The following CCT3 variants were observed in gnomAD, a reference collection of about 807,000 sequenced individuals.
The protein encoded by CCT3 is T-complex protein 1 subunit gamma.
CCT3 carries 10 observed loss-of-function variants against 65.3 expected under a neutral mutation model. That is an observed-to-expected ratio of 0.15 (90% CI 0.09 to 0.26). The LOEUF is 0.26. Ranked by LOEUF, CCT3 falls within the 10% of genes least tolerant of loss-of-function variation. CCT3 has a pLI of 1.00. For missense variants in CCT3, 626 were observed against 708.7 expected (o/e 0.88, Z 1.33); for synonymous variants, 225 against 242.3 (o/e 0.93, Z 0.66).
chr1:156,321,048 A>T, intron 6 of CCT3, 23 bp from the exon 7 acceptor site: 1 of 1,598,834 alleles, frequency 6.3e-7, no homozygotes, highest in Non-Finnish European at 8.6e-7. Context: ...AAACCAGACG[A>T]TATGTGAAGA....
chr1:156,322,418 G>A (rs113074390), intron 6 of CCT3, among the ~76,000 whole-genome samples: 3 of 151,834 alleles, frequency 2.0e-5, no homozygotes, highest in South Asian at 2.1e-4. Flanking sequence ...TGCTTGAACC[G>A]AAGAGGCGGA....
rs1312997834 is a variant in CCT3, at chr1:156,325,103, A to T, written c.305-14T>A. 6.4e-7 allele frequency: 1 copy of T among 1,551,294 alleles called. No individual in the cohort carries two copies. Among genetic ancestry groups the T allele is most frequent in the Admixed American group, 1.7e-5 (1 of 59,876 alleles). On this transcript the variant is annotated splice_polypyrimidine_tract_variant and intron_variant, in intron 5 of 13. Transcript: ENST00000295688. ...GCATTTCCCCTGCTGAAAAAGATAC[A>T]AGCACCATAGTAATATTTAAAGCAT...
In CCT3 at chr1:156,317,197, C is replaced by T. The variant is rs2101639271; in HGVS notation, c.943G>A (p.Val315Ile). 6.2e-7 allele frequency: 1 copy of T among 1,614,212 alleles called. No individual in the cohort carries two copies. The highest frequency in any genetic ancestry group is 8.5e-7 in the Non-Finnish European group (1 of 1,180,030). ...ATGCGATTATTGTCTGTCTTCCGGACTCTGCGGATGGCTGTGATATTGGCC... is the reference window on the plus strand; with the variant it reads ...ATGCGATTATTGTCTGTCTTCCGGATTCTGCGGATGGCTGTGATATTGGCC... ...MRANITAIRR[V>I]RKTDNNRIAR... Residue 315 changes from valine (V) to isoleucine (I), a missense_variant, in exon 10 of 14, where the codon GTC (valine) becomes ATC (isoleucine). Physicochemically the swap from Val to Ile is conservative, Grantham distance 29 (BLOSUM62 3). Coordinates refer to ENST00000295688, the MANE Select transcript of CCT3 (RefSeq NM_005998.5).
At chr1:156,312,694 C>A (rs540640591) in intron 10 of CCT3, among the ~76,000 whole-genome samples, 28 of 151,508 alleles carry the variant, frequency 1.8e-4, no homozygotes, top group African/African-American at 5.3e-4. Context: ...AAAACAACAA[C>A]AAAAAAAACT....
chr1:156,323,133 C>T (rs1664636960), intron 6 of CCT3, among the ~76,000 whole-genome samples: 1 of 151,588 alleles, frequency 6.6e-6, no homozygotes, highest in Non-Finnish European at 1.5e-5. Flanking sequence ...ATGGAGAAAC[C>T]CTGTCTCTAC....
At chr1:156,330,072 T>C (rs993646872) in intron 5 of CCT3, among the ~76,000 whole-genome samples, 8 of 152,204 alleles carry the variant, frequency 5.3e-5, no homozygotes, top group African/African-American at 1.9e-4. Context: ...TAAATCCATC[T>C]ACATCTAAGA....
intron 10 of CCT3, among the ~76,000 whole-genome samples, chr1:156,313,036 C>G (rs1250066458): frequency 2.6e-5 from 4 of 152,104 alleles, no homozygotes; most frequent in Non-Finnish European, 4.4e-5. Flanking sequence ...GACATGTTCC[C>G]AGATACCATT....
intron 10 of CCT3, among the ~76,000 whole-genome samples, chr1:156,314,714 C>CA (rs921537683): frequency 6.6e-6 from 1 of 151,334 alleles, no homozygotes; most frequent in African/African-American, 2.4e-5. Context: ...AACTCCATCT[C>CA]AAAAAAATAA....
At chr1:156,327,355 G>T (rs1664867881) in intron 5 of CCT3, among the ~76,000 whole-genome samples, 1 of 152,182 alleles carries the variant, frequency 6.6e-6, no homozygotes, top group Non-Finnish European at 1.5e-5. Flanking sequence ...AAGCTGGACT[G>T]TACTACTGCC....
chr1:156,313,657 C>T (rs1175276617), intron 10 of CCT3, among the ~76,000 whole-genome samples: 1 of 152,152 alleles, frequency 6.6e-6, no homozygotes, highest in Non-Finnish European at 1.5e-5. Flanking sequence ...AAAGGGACTG[C>T]CTTTTAAAGT....
At chr1:156,329,834 G>C (rs939390884) in intron 5 of CCT3, among the ~76,000 whole-genome samples, 10 of 151,822 alleles carry the variant, frequency 6.6e-5, no homozygotes, top group Non-Finnish European at 1.5e-4. Context: ...AGCTACTTGG[G>C]AGGCTGAGGC....
At chr1:156,324,150 C>CTTCG (rs964826881) in intron 6 of CCT3, among the ~76,000 whole-genome samples, 7 of 151,976 alleles carry the variant, frequency 4.6e-5, no homozygotes, top group African/African-American at 1.7e-4. Flanking sequence ...TCACTGAAAC[C>CTTCG]TTCGCCTCCC....
At chr1:156,309,385 G>T in intron 13 of CCT3, 82 bp from the exon 14 acceptor site, 1 of 912,120 alleles carries the variant, frequency 1.1e-6, no homozygotes, top group Non-Finnish European at 1.8e-6. Flanking sequence ...TCACCTAGAT[G>T]CTACTATGGA....
At chr1:156,319,991 C>T (rs910034339) in intron 7 of CCT3, among the ~76,000 whole-genome samples, 4 of 152,168 alleles carry the variant, frequency 2.6e-5, no homozygotes, top group Non-Finnish European at 5.9e-5. Context: ...TCCTCATAAA[C>T]CTTGTGTAGG....
intron 1 of CCT3, chr1:156,337,808 A>T: frequency 2.7e-6 from 1 of 367,870 alleles, no homozygotes; most frequent in Non-Finnish European, 5.0e-6. Context: ...AAAACAAAAA[A>T]AAACGTTATT....
At chr1:156,319,928 G>C (rs543453855) in intron 7 of CCT3, among the ~76,000 whole-genome samples, 4 of 152,254 alleles carry the variant, frequency 2.6e-5, no homozygotes, top group South Asian at 2.1e-4. Context: ...CTGACCAAAT[G>C]ACTGATGTAT....
Position 156,334,843 on chromosome 1 carries a change from G to A in CCT3, c.144+25C>T, listed in dbSNP as rs746464641. 32 of 1,613,666 alleles carry A rather than the reference G, an allele frequency of 2.0e-5. No individual in the cohort carries two copies. The East Asian group carries it at 6.2e-4, about 31-fold the overall frequency. On this transcript the variant is annotated intron_variant, in intron 3 of 13. Transcript: ENST00000295688. ...CAGGAAGAAAAAAATTGTAGCCTAAGAGTTTTAGGAAGAGATAAGCCTACC... is the reference window on the plus strand; with the variant it reads ...CAGGAAGAAAAAAATTGTAGCCTAAAAGTTTTAGGAAGAGATAAGCCTACC...
At position 156,309,119 on chromosome 1, in the gene CCT3, CCA is replaced by C; in HGVS notation, c.*78_*79del. 2 of 953,534 alleles carry C rather than the reference CCA, an allele frequency of 2.1e-6. No homozygotes were observed. Among genetic ancestry groups the C allele is most frequent in the Middle Eastern group, 2.7e-4 (1 of 3,720 alleles). The allele number at this position is 953,534 out of a possible 1,614,324, so 59.1% of individuals were successfully genotyped here. On this transcript the variant is annotated 3_prime_UTR_variant, in exon 14 of 14. Coordinates refer to ENST00000295688, the MANE Select transcript of CCT3 (RefSeq NM_005998.5). ...CCTGATCCCTTCTGAACAAAGACGT[CCA>C]CAGTGTTCCTGGCACTCTGGCTCAG... is the stretch of plus-strand genomic sequence containing the variant.
At chr1:156,310,784 C>G in intron 12 of CCT3, 95 bp from the exon 13 acceptor site, 2 of 1,480,264 alleles carry the variant, frequency 1.4e-6, no homozygotes, top group Non-Finnish European at 9.3e-7. Flanking sequence ...ATGGAAGGGA[C>G]AGGGAAAAAT....
Sources: gnomAD v4.1 joint callset for allele counts (sites outside exome capture counted in the v4.1 genomes callset) on GRCh38, gnomAD v4.1.1 for gene constraint, MANE v1.5 for transcripts, NCBI Gene and HGNC (gene_info 2026-07-23, HGNC 2026-07-21) for gene names.